Variants in DESI2 observed in about 807,000 individuals in gnomAD.
DESI2 encodes the protein desumoylating isopeptidase 2, also known as deubiquitinase DESI2.
DESI2 carries 10 observed loss-of-function variants against 24.1 expected under a neutral mutation model. The ratio of observed to expected loss-of-function variants is 0.41; its 90% CI spans 0.26 to 0.70. DESI2 has a LOEUF of 0.70. Ranked by LOEUF, DESI2 falls within the 30% of genes least tolerant of loss-of-function variation. The pLI is 0.29. For missense variants in DESI2, 122 were observed against 234.9 expected, an observed-to-expected ratio of 0.52 and a Z score of 3.14; for synonymous variants, 71 against 87.7, an observed-to-expected ratio of 0.81 and a Z score of 1.06.
chr1:244,665,379 T>A (rs1306569016), intron 1 of DESI2, among the ~76,000 whole-genome samples: 1 of 152,118 alleles, frequency 6.6e-6, no homozygotes, highest in Admixed American at 6.5e-5. Context: ...TCTCATCCCC[T>A]CCATAACCCA....
chr1:244,685,422 T>G (rs1315857433), intron 1 of DESI2, among the ~76,000 whole-genome samples: 6 of 152,226 alleles, frequency 3.9e-5, no homozygotes, highest in Admixed American at 3.9e-4. Flanking sequence ...TACAAGGGTC[T>G]GTACCAGGAT....
At chr1:244,702,414 T>C (rs1481935991) in intron 4 of DESI2, among the ~76,000 whole-genome samples, 5 of 152,260 alleles carry the variant, frequency 3.3e-5, no homozygotes, top group East Asian at 1.9e-4. Context: ...CTCGGGAGGC[T>C]GAGGCAAGAG....
chr1:244,683,533 GA>G (rs1676702783), intron 1 of DESI2, among the ~76,000 whole-genome samples: 3 of 152,188 alleles, frequency 2.0e-5, no homozygotes, highest in South Asian at 4.2e-4. Flanking sequence ...GGGTGGTCTT[GA>G]TCTCCTGACC....
At position 244,706,362 on chromosome 1, in the gene DESI2, GGTCCAGTTCCTCTTCACACCCCCTT is replaced by G. The variant is rs1677707013; in HGVS notation, c.*574_*598del. The G allele has an allele frequency of 6.5e-6, 1 of 154,624 alleles. No individual in the cohort carries two copies. The highest frequency in any genetic ancestry group is 2.4e-5 in the African/African-American group (1 of 41,422). 9.6% of individuals were successfully genotyped at this position (154,624 alleles called of 1,614,324 possible). ...ACAGCCCTGAGGGCTTGGAACCCTGGGTCCAGTTCCTCTTCACACCCCCTTCCACTCTGAGTAGCACATCTCCCCA... is the reference window on the plus strand; with the variant it reads ...ACAGCCCTGAGGGCTTGGAACCCTGGCCACTCTGAGTAGCACATCTCCCCA... On this transcript the variant is annotated 3_prime_UTR_variant, in exon 5 of 5. Transcript: ENST00000302550.
chr1:244,659,436 C>T (rs1245082823), intron 1 of DESI2, among the ~76,000 whole-genome samples: 1 of 152,156 alleles, frequency 6.6e-6, no homozygotes, highest in Non-Finnish European at 1.5e-5. Flanking sequence ...TGCTTCCAAG[C>T]TCATTCAGAT....
chr1:244,654,859 A>G (rs759895321), intron 1 of DESI2, among the ~76,000 whole-genome samples: 2 of 152,216 alleles, frequency 1.3e-5, no homozygotes, highest in Non-Finnish European at 2.9e-5. Context: ...TTCAGAATAT[A>G]TTCTGCTCTT....
rs192315554 is a variant in DESI2 at position 244,698,846 on chromosome 1, G to A, written c.352-6710G>A. ...TTCTCTGGTGGGACCATACGAAGTC[G>A]AACTGCTGATCTGTTCTGTATTTCT... On this transcript the variant is annotated intron_variant, in intron 4 of 4. Transcript: ENST00000302550. 1.2e-4 allele frequency among the ~76,000 whole-genome samples: 18 copies of A among 152,276 alleles called. No individual in the cohort carries two copies. In the South Asian group the frequency reaches 3.1e-3, roughly 26 times the overall value.
rs561304807 is a variant in DESI2, at chr1:244,693,610, T to C, written c.351+1590T>C. 8.9e-4 allele frequency among the ~76,000 whole-genome samples: 135 copies of C among 152,166 alleles called. 4 individuals carry two copies. Among genetic ancestry groups the C allele is most frequent in the Non-Finnish European group, 9.0e-4 (61 of 68,034 alleles). Reference sequence around the variant, plus strand: ...CCACGCCTGGCTAATTTCGTATTTTTAGTAGAGGCAGGGTTTCTCCATGTT... The same window carrying C: ...CCACGCCTGGCTAATTTCGTATTTTCAGTAGAGGCAGGGTTTCTCCATGTT... On this transcript the variant is annotated intron_variant, in intron 4 of 4. Transcript: ENST00000302550.
Position 244,707,931 on chromosome 1 carries a change from CCAT to C in DESI2, c.*2143_*2145del, listed in dbSNP as rs1677775734. 1 of 152,166 alleles carries C rather than the reference CCAT, an allele frequency of 6.6e-6. No individual in the cohort carries two copies. Among genetic ancestry groups the C allele is most frequent in the Non-Finnish European group, 1.5e-5 (1 of 68,032 alleles). The allele number at this position is 152,166 out of a possible 1,614,324, so 9.4% of individuals were successfully genotyped here. A position where few individuals can be genotyped will look rare whatever the true frequency, so the allele number is the denominator to read the frequency against. On this transcript the variant is annotated 3_prime_UTR_variant, in exon 5 of 5. Coordinates refer to ENST00000302550, the MANE Select transcript of DESI2 (RefSeq NM_016076.5). ...ATAGTGTCCTAAGGCCAATTACCTA[CCAT>C]ACTAACAATCAGCAGATAAAATTCT...
intron 4 of DESI2, among the ~76,000 whole-genome samples, chr1:244,693,555 C>G (rs1032649517): frequency 6.6e-6 from 1 of 152,140 alleles, no homozygotes; most frequent in African/African-American, 2.4e-5. Context: ...CCTCAGCCTC[C>G]CGAGTAGCTG....
At chr1:244,696,797 G>A (rs1677232049) in intron 4 of DESI2, among the ~76,000 whole-genome samples, 1 of 152,212 alleles carries the variant, frequency 6.6e-6, no homozygotes, top group Admixed American at 6.5e-5. Context: ...ACTGAGAAGA[G>A]TGGCTCCCTT....
At chr1:244,695,195 A>G (rs1467011144) in intron 4 of DESI2, among the ~76,000 whole-genome samples, 1 of 152,188 alleles carries the variant, frequency 6.6e-6, no homozygotes, top group Non-Finnish European at 1.5e-5. Flanking sequence ...TCCCTTTGGA[A>G]ACAGTGGAAC....
At chr1:244,684,770 A>G (rs1676755720) in intron 1 of DESI2, among the ~76,000 whole-genome samples, 1 of 152,198 alleles carries the variant, frequency 6.6e-6, no homozygotes, top group African/African-American at 2.4e-5. Context: ...TTGCATATGT[A>G]CTAGTATTTC....
Position 244,675,587 on chromosome 1 carries a change from A to C in DESI2, c.43-11010A>C, listed in dbSNP as rs533857544. On this transcript the variant is annotated intron_variant, in intron 1 of 4. Transcript: ENST00000302550. ...CACCTTTGTTAAAGATCAGTTGGCC[A>C]TCATTATAGGGGCTTATTTCTGAAC... Among the ~76,000 whole-genome samples, 10 of 152,204 alleles carry C rather than the reference A, an allele frequency of 6.6e-5. No homozygotes were observed. In the South Asian group the frequency reaches 1.9e-3, roughly 28 times the overall value.
chr1:244,654,179 G>A (rs758655112), intron 1 of DESI2, among the ~76,000 whole-genome samples: 35 of 152,210 alleles, frequency 2.3e-4, no homozygotes, highest in Non-Finnish European at 4.4e-4. Flanking sequence ...AAAGCACCCG[G>A]TAGAGAATTG....
intron 1 of DESI2, among the ~76,000 whole-genome samples, chr1:244,674,321 C>CT (rs35687515): frequency 0.72 from 106,663 of 147,344 alleles, 38,849 homozygotes; most frequent in Non-Finnish European, 0.78. Context: ...TCATAACGGT[C>CT]TTTTTTTTTT....
intron 1 of DESI2, among the ~76,000 whole-genome samples, chr1:244,667,904 T>C (rs1445784715): frequency 6.6e-6 from 1 of 152,218 alleles, no homozygotes; most frequent in African/African-American, 2.4e-5. Context: ...TAGTCACTCA[T>C]TGTGTGATCT....
At chr1:244,698,046 C>T (rs185383322) in intron 4 of DESI2, among the ~76,000 whole-genome samples, 27 of 152,240 alleles carry the variant, frequency 1.8e-4, no homozygotes, top group African/African-American at 6.0e-4. Flanking sequence ...AGGAAGGTGC[C>T]GGGCCAGGGT....
At chr1:244,666,253 G>C (rs1356863164) in intron 1 of DESI2, among the ~76,000 whole-genome samples, 2 of 152,048 alleles carry the variant, frequency 1.3e-5, no homozygotes, top group East Asian at 3.9e-4. Flanking sequence ...TGTAGTCTGC[G>C]TTCTCTCTGA....
Sources: gnomAD v4.1 joint callset for allele counts (sites outside exome capture counted in the v4.1 genomes callset) on GRCh38, gnomAD v4.1.1 for gene constraint, MANE v1.5 for transcripts, NCBI Gene and HGNC (gene_info 2026-07-23, HGNC 2026-07-21) for gene names.